Variants in BAIAP2L1 observed in about 807,000 individuals in gnomAD.
The protein encoded by BAIAP2L1 is BAR/IMD domain containing adaptor protein 2 like 1.
In BAIAP2L1, 35 loss-of-function variants were observed where a neutral mutation model predicts 66.3. That is an observed-to-expected ratio of 0.53 (90% CI 0.40 to 0.70). BAIAP2L1 has a LOEUF of 0.70. Ranked by LOEUF, BAIAP2L1 falls within the 30% of genes least tolerant of loss-of-function variation. The pLI, the probability that BAIAP2L1 is intolerant of heterozygous loss-of-function variation, is 0.00. For synonymous variants in BAIAP2L1, 269 were observed against 248.7 expected (o/e 1.08, Z -0.77); for missense variants, 622 against 656.9 (o/e 0.95, Z 0.58).
At chr7:98,359,095 C>T (rs1337756760) in intron 2 of BAIAP2L1, among the ~76,000 whole-genome samples, 1 of 152,152 alleles carries the variant, frequency 6.6e-6, no homozygotes, top group East Asian at 1.9e-4. Context: ...CCACACGGGC[C>T]GCAGAAGACT....
intron 3 of BAIAP2L1, among the ~76,000 whole-genome samples, chr7:98,345,674 G>A (rs187585564): frequency 2.6e-5 from 4 of 151,742 alleles, no homozygotes; most frequent in East Asian, 2.0e-4. Context: ...GCAGTGAGCC[G>A]AGATCGCACC....
chr7:98,302,789 C>T (rs1351929546), intron 12 of BAIAP2L1, among the ~76,000 whole-genome samples: 1 of 152,070 alleles, frequency 6.6e-6, no homozygotes, highest in Non-Finnish European at 1.5e-5. Flanking sequence ...ACACTGTAAA[C>T]CATTTTTCTT....
At chr7:98,315,348 A>G in intron 7 of BAIAP2L1, 112 bp downstream of exon 7, 1 of 1,061,808 alleles carries the variant, frequency 9.4e-7, no homozygotes, top group Middle Eastern at 3.5e-4. Context: ...GGCCCACCTC[A>G]GCCTCCCAAA....
intron 3 of BAIAP2L1, among the ~76,000 whole-genome samples, chr7:98,351,988 T>G (rs1802010856): frequency 6.6e-6 from 1 of 152,178 alleles, no homozygotes; most frequent in Non-Finnish European, 1.5e-5. Context: ...TTATAAAGTT[T>G]CATGATGAAG....
At chr7:98,384,964 G>A (rs1212907415) in intron 1 of BAIAP2L1, among the ~76,000 whole-genome samples, 1 of 152,132 alleles carries the variant, frequency 6.6e-6, no homozygotes, top group Non-Finnish European at 1.5e-5. Context: ...CACCCAAAGT[G>A]CTGGGATTAC....
chr7:98,348,569 CAAA>C (rs752966671), intron 3 of BAIAP2L1, among the ~76,000 whole-genome samples: 3 of 109,842 alleles, frequency 2.7e-5, no homozygotes, highest in Admixed American at 8.9e-5. Context: ...TCTGCCTCCA[CAAA>C]AAAAAAAAAA....
chr7:98,296,887 C>T (rs1235915305), intron 12 of BAIAP2L1, among the ~76,000 whole-genome samples: 2 of 152,200 alleles, frequency 1.3e-5, no homozygotes, highest in East Asian at 3.9e-4. Flanking sequence ...TCCCTGCGTC[C>T]CTGTCTCAAC....
chr7:98,352,295 G>A (rs984194824), intron 3 of BAIAP2L1, among the ~76,000 whole-genome samples: 3 of 152,158 alleles, frequency 2.0e-5, no homozygotes, highest in Non-Finnish European at 1.5e-5. Context: ...CAAAAGGACA[G>A]CTTGAAACTA....
intron 2 of BAIAP2L1, among the ~76,000 whole-genome samples, chr7:98,360,826 G>A (rs1490190164): frequency 6.6e-6 from 1 of 152,162 alleles, no homozygotes; most frequent in African/African-American, 2.4e-5. Flanking sequence ...TGGAGGGCAA[G>A]GGAGCAAAAT....
In BAIAP2L1 at chr7:98,303,452, G is replaced by A. The variant is rs562192315; in HGVS notation, c.1422+744C>T. On this transcript the variant is annotated intron_variant, in intron 12 of 13. Transcript: ENST00000005260. The stretch of plus-strand genomic sequence containing the variant: ...CCCAGCCCGGGAGTGATGTCCAGCC[G>A]CGCTGCTCCCCACCACGCCATCACC... Among the ~76,000 whole-genome samples the A allele has an allele frequency of 1.1e-3, 160 of 152,290 alleles. 1 individual carries two copies. Among genetic ancestry groups the A allele is most frequent in the African/African-American group, 3.5e-3 (146 of 41,564 alleles).
At chr7:98,341,636 C>T (rs1308319966) in intron 3 of BAIAP2L1, among the ~76,000 whole-genome samples, 1 of 152,156 alleles carries the variant, frequency 6.6e-6, no homozygotes, top group African/African-American at 2.4e-5. Flanking sequence ...AGCCACTGAC[C>T]AGATACGCGA....
chr7:98,323,622 G>A (rs1272851317), intron 3 of BAIAP2L1, among the ~76,000 whole-genome samples: 3 of 152,200 alleles, frequency 2.0e-5, no homozygotes, highest in East Asian at 1.9e-4. Flanking sequence ...TGGCCTGGCC[G>A]GGCCTCTGGG....
At chr7:98,362,624 AGGTGCCCGTAAC>A (rs1427134977) in intron 1 of BAIAP2L1, among the ~76,000 whole-genome samples, 192 bp from the exon 2 acceptor site, 1 of 152,164 alleles carries the variant, frequency 6.6e-6, no homozygotes, top group Non-Finnish European at 1.5e-5. Flanking sequence ...ACAGGTGGCA[AGGTGCCCGTAAC>A]CCTGGCAGTT....
At chr7:98,396,626 TC>T (rs1293674119) in intron 1 of BAIAP2L1, among the ~76,000 whole-genome samples, 1 of 152,002 alleles carries the variant, frequency 6.6e-6, no homozygotes, top group Non-Finnish European at 1.5e-5. Flanking sequence ...AAACCCTGCT[TC>T]TATCAAAAAA....
At chr7:98,363,033 T>C (rs796888318) in intron 1 of BAIAP2L1, among the ~76,000 whole-genome samples, 12 of 132,416 alleles carry the variant, frequency 9.1e-5, no homozygotes, top group South Asian at 5.1e-4. Context: ...TTTTCTTTTT[T>C]TTTTTTTTTT....
rs150111684 is a variant in BAIAP2L1, at chr7:98,304,319, G to A, written c.1299C>T (p.Val433=). 6.2e-6 allele frequency: 10 copies of A among 1,613,326 alleles called. No individual in the cohort carries two copies. Among genetic ancestry groups the A allele is most frequent in the Non-Finnish European group, 8.5e-6 (10 of 1,179,690 alleles). ...TVNLSENSSV[V]IPPPDYLECL... The stretch of plus-strand genomic sequence containing the variant: ...ATTCCAAGTAGTCGGGTGGGGGGAT[G>A]ACAACACTGCTATTCTCAGACAAGT... Residue 433 remains valine, a synonymous_variant, in exon 12 of 14, where the codon GTC becomes GTT. Transcript: ENST00000005260.
At chr7:98,298,473 C>A (rs1394566943) in intron 12 of BAIAP2L1, among the ~76,000 whole-genome samples, 1 of 152,064 alleles carries the variant, frequency 6.6e-6, no homozygotes, top group South Asian at 2.1e-4. Context: ...CTTAGCCAGG[C>A]GTAGTGGCGG....
intron 1 of BAIAP2L1, 124 bp downstream of exon 1, chr7:98,400,678 G>A: frequency 1.8e-6 from 2 of 1,127,378 alleles, no homozygotes; most frequent in South Asian, 1.3e-5. Flanking sequence ...GAGAGACCGG[G>A]AGAGGTGGAA....
intron 3 of BAIAP2L1, among the ~76,000 whole-genome samples, chr7:98,337,388 C>A (rs1424464587): frequency 6.6e-6 from 1 of 152,208 alleles, no homozygotes; most frequent in Non-Finnish European, 1.5e-5. Flanking sequence ...TGTGCCATCA[C>A]GCTCAGCTAA....
Sources: allele counts gnomAD v4.1 joint callset (sites outside exome capture counted in the v4.1 genomes callset), GRCh38; gene constraint gnomAD v4.1.1; transcripts MANE v1.5; gene names NCBI Gene and HGNC (gene_info 2026-07-23, HGNC 2026-07-21).